Variants in GLI2 observed in about 807,000 individuals in gnomAD.
GLI2 encodes GLI family zinc finger 2.
In GLI2, 22 loss-of-function variants were observed where a neutral mutation model predicts 78.9. That is an observed-to-expected ratio of 0.28 (90% CI 0.20 to 0.40). The LOEUF (loss-of-function observed/expected upper bound fraction) is 0.40, where lower values mean the gene tolerates loss of function less well. GLI2 is among the 10% of genes least tolerant of loss of function. GLI2 has a pLI of 1.00. For synonymous variants in GLI2, 974 were observed against 963.7 expected (o/e 1.01, Z -0.20); for missense variants, 2,097 against 2,213.2 (o/e 0.95, Z 1.05).
At chr2:120,782,140 T>G (rs1272678601) in intron 1 of GLI2, among the ~76,000 whole-genome samples, 1 of 152,220 alleles carries the variant, frequency 6.6e-6, no homozygotes, top group African/African-American at 2.4e-5. Context: ...AGCAATTTAT[T>G]AAGAACTATT....
chr2:120,742,845 T>C (rs1682591184), intron 1 of GLI2, among the ~76,000 whole-genome samples: 1 of 152,362 alleles, frequency 6.6e-6, no homozygotes, highest in East Asian at 1.9e-4. Context: ...ATTAATGTTA[T>C]GCAAATAGAA....
intron 2 of GLI2, among the ~76,000 whole-genome samples, chr2:120,889,344 G>A (rs868179959): frequency 3.3e-5 from 5 of 152,328 alleles, no homozygotes; most frequent in Middle Eastern, 3.4e-3. Flanking sequence ...TAAAGGTGGA[G>A]AAAGAATGCT....
In GLI2 at chr2:120,942,413, T is replaced by A. The variant is rs141934138; in HGVS notation, c.255-8830T>A. On this transcript the variant is annotated intron_variant, in intron 3 of 13. Coordinates refer to ENST00000361492, the MANE Select transcript of GLI2 (RefSeq NM_001374353.1). Reference sequence around the variant, plus strand: ...CATTTCCCTGTAGTCTCTGTCTCCCTGTCGCATGGCCATCTCATCTTCTGT... The same window carrying A: ...CATTTCCCTGTAGTCTCTGTCTCCCAGTCGCATGGCCATCTCATCTTCTGT... Among the ~76,000 whole-genome samples the A allele has an allele frequency of 1.4e-4, 21 of 152,326 alleles. No individual in the cohort carries two copies. In the East Asian group the frequency reaches 2.5e-3, roughly 18 times the overall value.
chr2:120,818,169 G>C (rs1442125236), intron 2 of GLI2, among the ~76,000 whole-genome samples: 1 of 152,208 alleles, frequency 6.6e-6, no homozygotes, highest in Non-Finnish European at 1.5e-5. Flanking sequence ...GAGCTGGAGA[G>C]CTCCAAGGAG....
intron 2 of GLI2, among the ~76,000 whole-genome samples, chr2:120,821,119 T>C (rs1417687038): frequency 6.6e-6 from 1 of 152,072 alleles, no homozygotes; most frequent in Non-Finnish European, 1.5e-5. Flanking sequence ...GCAGCCTGTC[T>C]TGCGTGGGCG....
At chr2:120,968,681 A>T in intron 5 of GLI2, 33 bp from the exon 6 acceptor site, 4 of 1,373,406 alleles carry the variant, frequency 2.9e-6, no homozygotes, top group Non-Finnish European at 3.1e-6. Context: ...ATCCCCAGTG[A>T]TGCTGACCTG....
At chr2:120,907,164 C>T (rs1441731549) in intron 2 of GLI2, among the ~76,000 whole-genome samples, 1 of 152,192 alleles carries the variant, frequency 6.6e-6, no homozygotes, top group Non-Finnish European at 1.5e-5. Context: ...TCTGACCACA[C>T]AGGGCTCTCG....
At chr2:120,833,953 C>A (rs1422794294) in intron 2 of GLI2, among the ~76,000 whole-genome samples, 2 of 152,168 alleles carry the variant, frequency 1.3e-5, no homozygotes, top group Admixed American at 1.3e-4. Context: ...GCTTGTCTGG[C>A]TCAGCTGAAG....
chr2:120,877,570 T>C (rs1005966166), intron 2 of GLI2, among the ~76,000 whole-genome samples: 1 of 152,242 alleles, frequency 6.6e-6, no homozygotes, highest in African/African-American at 2.4e-5. Flanking sequence ...TTCTGACTTC[T>C]GAGAGCATAG....
At chr2:120,914,809 C>T (rs1202175386) in intron 2 of GLI2, among the ~76,000 whole-genome samples, 1 of 152,252 alleles carries the variant, frequency 6.6e-6, no homozygotes, top group African/African-American at 2.4e-5. Context: ...TCCCTATCCT[C>T]ATTTTACAGA....
intron 3 of GLI2, among the ~76,000 whole-genome samples, chr2:120,948,776 A>T (rs1680838262): frequency 1.3e-5 from 2 of 152,244 alleles, no homozygotes; most frequent in South Asian, 4.2e-4. Flanking sequence ...GGAGGCTGGC[A>T]TTCCCGGGAC....
chr2:120,924,542 T>TACACAC (rs56852363), intron 2 of GLI2, among the ~76,000 whole-genome samples: 14,985 of 149,578 alleles, frequency 0.1, 2,382 homozygotes, highest in African/African-American at 0.34. Flanking sequence ...CATTTAGAAA[T>TACACAC]ACACACACAC....
intron 2 of GLI2, among the ~76,000 whole-genome samples, chr2:120,916,869 G>A (rs1432854306): frequency 2.6e-5 from 4 of 152,204 alleles, no homozygotes; most frequent in Non-Finnish European, 5.9e-5. Context: ...GAACTACATC[G>A]TATCCCTAGA....
intron 12 of GLI2, among the ~76,000 whole-genome samples, chr2:120,985,589 C>G (rs1447980730): frequency 6.6e-6 from 1 of 152,186 alleles, no homozygotes; most frequent in Non-Finnish European, 1.5e-5. Flanking sequence ...CCCAAGAAAG[C>G]TGGAATTTGG....
intron 2 of GLI2, among the ~76,000 whole-genome samples, chr2:120,877,679 G>T (rs1016683508): frequency 1.3e-5 from 2 of 152,154 alleles, no homozygotes; most frequent in African/African-American, 4.8e-5. Context: ...ATTCATTCGT[G>T]TTATTACCTG....
At chr2:120,910,395 G>A (rs1205577726) in intron 2 of GLI2, among the ~76,000 whole-genome samples, 2 of 152,328 alleles carry the variant, frequency 1.3e-5, no homozygotes, top group South Asian at 4.1e-4. Flanking sequence ...CCATTTCCTA[G>A]CAGCAGTCAT....
chr2:120,801,335 C>T (rs1684699519), intron 2 of GLI2, among the ~76,000 whole-genome samples: 1 of 152,132 alleles, frequency 6.6e-6, no homozygotes, highest in Admixed American at 6.5e-5. Context: ...GATGGGGTTT[C>T]ACCATGTTAG....
intron 2 of GLI2, among the ~76,000 whole-genome samples, chr2:120,848,002 G>A (rs1296685793): frequency 6.6e-6 from 1 of 152,220 alleles, no homozygotes; most frequent in Non-Finnish European, 1.5e-5. Context: ...GGCAGGGGCA[G>A]TGCTCAGAGC....
chr2:120,793,716 A>G (rs1684254052), intron 1 of GLI2, among the ~76,000 whole-genome samples: 1 of 152,198 alleles, frequency 6.6e-6, no homozygotes, highest in African/African-American at 2.4e-5. Context: ...CCTCAGGTGC[A>G]TCTGTGTGCA....
Sources: allele counts gnomAD v4.1 joint callset (sites outside exome capture counted in the v4.1 genomes callset), GRCh38; gene constraint gnomAD v4.1.1; transcripts MANE v1.5; gene names NCBI Gene and HGNC (gene_info 2026-07-23, HGNC 2026-07-21).